Variants in OSBPL6 observed in about 807,000 individuals in gnomAD.
OSBPL6 encodes oxysterol binding protein like 6, also known as oxysterol-binding protein-related protein 6.
In OSBPL6, 49 loss-of-function variants were observed where a neutral mutation model predicts 125.8. The ratio of observed to expected loss-of-function variants is 0.39; its 90% CI spans 0.31 to 0.49. The LOEUF (loss-of-function observed/expected upper bound fraction) is 0.49. Among genes scored for constraint, OSBPL6 ranks in the 20% least tolerant of loss-of-function variants. OSBPL6 has a pLI of 0.88. For synonymous variants in OSBPL6, 394 were observed against 391.8 expected (o/e 1.01, Z -0.07); for missense variants, 986 against 1,135.4 (o/e 0.87, Z 1.89).
rs62176068 is a variant in OSBPL6, at chr2:178,296,020, G to A, written c.-155-10010G>A. On this transcript the variant is annotated intron_variant, in intron 2 of 24. Coordinates refer to ENST00000190611, the MANE Select transcript of OSBPL6 (RefSeq NM_032523.4). ...TTTGGGGCTTTAGGTCTGTGAGTTG[G>A]CGGTGATTCTGTGTCTGATACTGTG... is the stretch of plus-strand genomic sequence containing the variant. 2.8e-3 allele frequency among the ~76,000 whole-genome samples: 424 copies of A among 152,186 alleles called. 2 individuals carry two copies. Among genetic ancestry groups the A allele is most frequent in the Non-Finnish European group, 5.4e-3 (370 of 68,012 alleles).
rs558253192 is a variant in OSBPL6 at position 178,248,977 on chromosome 2, C to T, written c.-350-35950C>T. On this transcript the variant is annotated intron_variant, in intron 1 of 24. Coordinates refer to ENST00000190611, the MANE Select transcript of OSBPL6 (RefSeq NM_032523.4). ...ATTGAGACAGAGTCTCGCTCTGATG[C>T]CCAGGCTGGAGGGCAGTGGTGCCAT... 5.1e-4 allele frequency among the ~76,000 whole-genome samples: 77 copies of T among 152,188 alleles called. No individual in the cohort carries two copies. The South Asian group carries it at 0.016, about 32-fold the overall frequency.
chr2:178,342,173 A>G (rs1311960586), intron 11 of OSBPL6, among the ~76,000 whole-genome samples: 1 of 152,172 alleles, frequency 6.6e-6, no homozygotes, highest in African/African-American at 2.4e-5. Context: ...GTTGCAGCCA[A>G]TATGAGAGGC....
chr2:178,305,839 AAC>A (rs1686711284), intron 2 of OSBPL6, among the ~76,000 whole-genome samples, 189 bp from the exon 3 acceptor site: 1 of 107,420 alleles, frequency 9.3e-6, no homozygotes. Flanking sequence ...TTTGCTTGTT[AAC>A]AGTCCTTTTT....
rs1688882444 is a variant in OSBPL6 at position 178,328,368 on chromosome 2, G to C, written c.308G>C (p.Gly103Ala). ...AAGAAAAGAAAATGGCCTTTAAAAG[G>C]CTGGCACAAGGTAACATTTTTATCA... Reference protein sequence around the residue: ...MLKKRKWPLKGWHKRFFVLDN... With the variant: ...MLKKRKWPLKAWHKRFFVLDN... Residue 103 changes from glycine to alanine, a missense_variant, in exon 5 of 25, where the codon GGC becomes GCC. Transcript: ENST00000190611. 6.2e-7 allele frequency: 1 copy of C among 1,613,106 alleles called. No homozygotes were observed. Among genetic ancestry groups the C allele is most frequent in the Non-Finnish European group, 8.5e-7 (1 of 1,179,710 alleles).
chr2:178,357,564 C>A lies in OSBPL6; in HGVS notation c.1154-4118C>A, dbSNP rs527310730. On this transcript the variant is annotated intron_variant, in intron 12 of 24. Transcript: ENST00000190611. ...ATCTCATGCCAGTTAAAATGGCCAT[C>A]ATTATAAAGTCAGGAAACAGCAGGT... Among the ~76,000 whole-genome samples, 67 of 152,190 alleles carry A rather than the reference C, an allele frequency of 4.4e-4. 1 individual carries two copies. In the South Asian group the frequency reaches 0.013, roughly 30 times the overall value.
At chr2:178,391,033 A>G in intron 21 of OSBPL6, 40 bp from the exon 22 acceptor site, 3 of 1,608,536 alleles carry the variant, frequency 1.9e-6, no homozygotes, top group South Asian at 1.1e-5. Context: ...TGATGTTATT[A>G]AAGCCATCAA....
chr2:178,394,206 C>A (rs963131550), intron 23 of OSBPL6, 107 bp from the exon 24 acceptor site: 1 of 1,389,056 alleles, frequency 7.2e-7, no homozygotes. Context: ...CGTTACTGTG[C>A]GGTATTTTAT....
intron 1 of OSBPL6, among the ~76,000 whole-genome samples, chr2:178,242,736 C>T (rs752250135): frequency 3.9e-5 from 6 of 152,102 alleles, no homozygotes; most frequent in Non-Finnish European, 8.8e-5. Flanking sequence ...CAAAATACTA[C>T]CAGTTGGCCA....
At chr2:178,374,922 A>C (rs561789298) in intron 15 of OSBPL6, among the ~76,000 whole-genome samples, 1 of 152,218 alleles carries the variant, frequency 6.6e-6, no homozygotes, top group Non-Finnish European at 1.5e-5. Context: ...TAATGGGAGA[A>C]AAGTAAAATA....
intron 16 of OSBPL6, 153 bp downstream of exon 16, chr2:178,382,660 A>C (rs1559319538): frequency 1.4e-6 from 2 of 1,476,164 alleles, no homozygotes; most frequent in South Asian, 1.3e-5. Flanking sequence ...ATTTTGTATG[A>C]TCTCTTGAGG....
chr2:178,350,153 AG>A (rs1164587121), intron 12 of OSBPL6, among the ~76,000 whole-genome samples: 1 of 152,214 alleles, frequency 6.6e-6, no homozygotes, highest in Non-Finnish European at 1.5e-5. Flanking sequence ...TTAAATTTTC[AG>A]TGAGGCTTGT....
At chr2:178,220,241 C>T (rs1319685796) in intron 1 of OSBPL6, among the ~76,000 whole-genome samples, 1 of 152,126 alleles carries the variant, frequency 6.6e-6, no homozygotes, top group African/African-American at 2.4e-5. Flanking sequence ...GTATATCCTC[C>T]ACCCCCACCC....
intron 23 of OSBPL6, 78 bp from the exon 24 acceptor site, chr2:178,394,235 A>G: frequency 6.5e-7 from 1 of 1,549,922 alleles, no homozygotes; most frequent in South Asian, 1.2e-5. Flanking sequence ...CAATTAGAAA[A>G]CAATTTTGTG....
chr2:178,391,673 A>G (rs1029042626), intron 22 of OSBPL6, among the ~76,000 whole-genome samples: 3 of 152,268 alleles, frequency 2.0e-5, no homozygotes, highest in Admixed American at 6.5e-5. Flanking sequence ...CTCAAGAGAC[A>G]GCAATATGTT....
chr2:178,253,932 G>T (rs1420957099), intron 1 of OSBPL6, among the ~76,000 whole-genome samples: 1 of 152,132 alleles, frequency 6.6e-6, no homozygotes, highest in Non-Finnish European at 1.5e-5. Flanking sequence ...ATGGCAATAG[G>T]ACTGATGGCT....
chr2:178,338,345 A>G (rs73032568), intron 9 of OSBPL6, among the ~76,000 whole-genome samples: 1 of 152,026 alleles, frequency 6.6e-6, no homozygotes, highest in Non-Finnish European at 1.5e-5. Flanking sequence ...TAAACCAAAA[A>G]ATTTAAAAGA....
chr2:178,241,582 A>C (rs887829583), intron 1 of OSBPL6, among the ~76,000 whole-genome samples: 6 of 151,646 alleles, frequency 4.0e-5, no homozygotes, highest in Admixed American at 1.3e-4. Flanking sequence ...TGCCTGGCTA[A>C]TTTTTTAATT....
intron 1 of OSBPL6, among the ~76,000 whole-genome samples, chr2:178,256,960 C>T (rs1268868312): frequency 6.6e-6 from 1 of 152,110 alleles, no homozygotes; most frequent in Non-Finnish European, 1.5e-5. Flanking sequence ...TGTCACCTGA[C>T]TAAGCCTAAC....
At chr2:178,325,144 C>A (rs1332382804) in intron 4 of OSBPL6, among the ~76,000 whole-genome samples, 1 of 152,202 alleles carries the variant, frequency 6.6e-6, no homozygotes, top group African/African-American at 2.4e-5. Flanking sequence ...CATCCTACTC[C>A]TGCCCATCCC....
Sources: allele counts gnomAD v4.1 joint callset (sites outside exome capture counted in the v4.1 genomes callset), GRCh38; gene constraint gnomAD v4.1.1; transcripts MANE v1.5; gene names NCBI Gene and HGNC (gene_info 2026-07-23, HGNC 2026-07-21).